Variants in LIMD1 observed in about 807,000 individuals in gnomAD.
LIMD1 encodes the protein LIM domain containing 1.
In LIMD1, 23 loss-of-function variants were observed where a neutral mutation model predicts 58.4. The ratio of observed to expected loss-of-function variants is 0.39; its 90% CI spans 0.28 to 0.56. The LOEUF is 0.56. Ranked by LOEUF, LIMD1 falls within the 20% of genes least tolerant of loss-of-function variation. LIMD1 has a pLI of 0.57. For synonymous variants in LIMD1, 334 were observed against 345.5 expected (o/e 0.97, Z 0.37); for missense variants, 838 against 855.5 (o/e 0.98, Z 0.25).
At chr3:45,623,021 C>T (rs549563363) in intron 1 of LIMD1, among the ~76,000 whole-genome samples, 2 of 152,268 alleles carry the variant, frequency 1.3e-5, no homozygotes, top group Non-Finnish European at 2.9e-5. Flanking sequence ...AGGTTGTCCA[C>T]GTTTATGCTT....
chr3:45,611,042 A>C (rs187477259), intron 1 of LIMD1, among the ~76,000 whole-genome samples: 5 of 152,362 alleles, frequency 3.3e-5, no homozygotes, highest in Non-Finnish European at 7.3e-5. Flanking sequence ...TCTGCTGGGC[A>C]GGGCTGTGCC....
At chr3:45,638,810 A>G (rs138217806) in intron 2 of LIMD1, among the ~76,000 whole-genome samples, 225 of 152,082 alleles carry the variant, frequency 1.5e-3, no homozygotes, top group African/African-American at 5.1e-3. Context: ...GCCAACATCT[A>G]CTTTTTGACT....
chr3:45,619,738 G>A (rs1383663157), intron 1 of LIMD1, among the ~76,000 whole-genome samples: 1 of 152,032 alleles, frequency 6.6e-6, no homozygotes, highest in Non-Finnish European at 1.5e-5. Context: ...AGCGGAGGTT[G>A]TGGTGAGCTG....
At chr3:45,638,816 T>C (rs1485937797) in intron 2 of LIMD1, among the ~76,000 whole-genome samples, 1 of 152,218 alleles carries the variant, frequency 6.6e-6, no homozygotes, top group Non-Finnish European at 1.5e-5. Flanking sequence ...ATCTACTTTT[T>C]GACTTTTTAA....
intron 2 of LIMD1, among the ~76,000 whole-genome samples, chr3:45,647,750 C>A (rs540665993): frequency 3.9e-5 from 6 of 152,190 alleles, no homozygotes; most frequent in African/African-American, 1.4e-4. Context: ...AGTTCTTTTG[C>A]CTGGTGTTTA....
intron 1 of LIMD1, among the ~76,000 whole-genome samples, chr3:45,608,158 T>C (rs1270630090): frequency 6.6e-6 from 1 of 152,238 alleles, no homozygotes; most frequent in Non-Finnish European, 1.5e-5. Flanking sequence ...TTGTGCTGCT[T>C]TCTGGCTGTA....
chr3:45,607,699 C>T (rs1701481078), intron 1 of LIMD1, among the ~76,000 whole-genome samples: 1 of 152,108 alleles, frequency 6.6e-6, no homozygotes. Flanking sequence ...AGCAGGCAGG[C>T]TCCAAGTCAG....
At chr3:45,620,890 T>A (rs1014033677) in intron 1 of LIMD1, among the ~76,000 whole-genome samples, 2 of 152,194 alleles carry the variant, frequency 1.3e-5, no homozygotes, top group Non-Finnish European at 2.9e-5. Flanking sequence ...AACTAAGTGA[T>A]CAAGTTAACA....
At position 45,673,578 on chromosome 3, in the gene LIMD1, T is replaced by C. The variant is rs779964440; in HGVS notation, c.1824+73T>C. ...TATCTCCCTGGGCTCATTTACAAGATCCATGTCCTGTCCTTACAGCTTTTA... is the reference window on the plus strand; with the variant it reads ...TATCTCCCTGGGCTCATTTACAAGACCCATGTCCTGTCCTTACAGCTTTTA... On this transcript the variant is annotated intron_variant, in intron 6 of 7. Transcript: ENST00000273317. The C allele has an allele frequency of 4.1e-6, 5 of 1,211,992 alleles. No homozygotes were observed. In the African/African-American group the frequency reaches 7.4e-5, roughly 18 times the overall value. The allele number at this position is 1,211,992 out of a possible 1,614,324, so 75.1% of individuals were successfully genotyped here. A position where few individuals can be genotyped will look rare whatever the true frequency, so the allele number is the denominator to read the frequency against.
At chr3:45,659,904 C>A (rs927610135) in intron 2 of LIMD1, among the ~76,000 whole-genome samples, 1 of 152,172 alleles carries the variant, frequency 6.6e-6, no homozygotes, top group Non-Finnish European at 1.5e-5. Flanking sequence ...TGAAAATATA[C>A]AGTGACAACA....
intron 1 of LIMD1, among the ~76,000 whole-genome samples, chr3:45,605,138 C>A (rs887475684): frequency 2.6e-5 from 4 of 152,200 alleles, no homozygotes; most frequent in African/African-American, 9.7e-5. Flanking sequence ...TCTATTGAGC[C>A]AAGATGACCT....
chr3:45,647,846 G>A (rs764997180), intron 2 of LIMD1, among the ~76,000 whole-genome samples: 8 of 151,922 alleles, frequency 5.3e-5, no homozygotes, highest in Admixed American at 6.6e-5. Flanking sequence ...ACAGCCTCCC[G>A]AAGTGCTGAA....
chr3:45,671,490 A>T (rs1014068244), intron 4 of LIMD1, among the ~76,000 whole-genome samples: 1 of 152,126 alleles, frequency 6.6e-6, no homozygotes, highest in Non-Finnish European at 1.5e-5. Flanking sequence ...TTTTGGTGTG[A>T]CCTTGCTCAT....
chr3:45,597,807 T>C (rs997738541), intron 1 of LIMD1, among the ~76,000 whole-genome samples: 1 of 152,066 alleles, frequency 6.6e-6, no homozygotes, highest in Non-Finnish European at 1.5e-5. Flanking sequence ...CCAAGGTCCT[T>C]TGAGGGACCA....
intron 1 of LIMD1, among the ~76,000 whole-genome samples, chr3:45,607,055 A>C (rs549184551): frequency 6.6e-6 from 1 of 152,288 alleles, no homozygotes; most frequent in African/African-American, 2.4e-5. Context: ...TGGCCTCTCA[A>C]AGTGCTGGGA....
At position 45,685,114 on chromosome 3, in the gene LIMD1, C is replaced by T. The variant is rs1381788713; in HGVS notation, c.*8055C>T. ...AGCTTGGACTGTCTCCATTGGAAGGCCTCTGGCAGATTTTGTAAAAAGTTA... is the reference window on the plus strand; with the variant it reads ...AGCTTGGACTGTCTCCATTGGAAGGTCTCTGGCAGATTTTGTAAAAAGTTA... On this transcript the variant is annotated 3_prime_UTR_variant, in exon 8 of 8. Transcript: ENST00000273317. The T allele has an allele frequency of 6.6e-6, 1 of 152,110 alleles. No homozygotes were observed. 9.4% of individuals were successfully genotyped at this position (152,110 alleles called of 1,614,324 possible).
intron 1 of LIMD1, among the ~76,000 whole-genome samples, chr3:45,633,194 C>T (rs1358633613): frequency 6.6e-6 from 1 of 152,142 alleles, no homozygotes. Context: ...ATCTCATCCG[C>T]CCGCCACCCT....
chr3:45,653,139 A>G (rs1025313405), intron 2 of LIMD1, among the ~76,000 whole-genome samples: 2 of 152,250 alleles, frequency 1.3e-5, no homozygotes, highest in African/African-American at 2.4e-5. Flanking sequence ...TTACAAGATA[A>G]TAAGTCTGAC....
chr3:45,679,336 A>C lies in LIMD1; in HGVS notation c.*2277A>C, dbSNP rs1274799535. Reference sequence around the variant, plus strand: ...TTTCTCTGGTTGTCAGTTTCCCTGGAGAAGGCGCCAGATAGGAATCTCCAA... The same window carrying C: ...TTTCTCTGGTTGTCAGTTTCCCTGGCGAAGGCGCCAGATAGGAATCTCCAA... On this transcript the variant is annotated 3_prime_UTR_variant, in exon 8 of 8. Transcript: ENST00000273317. The C allele has an allele frequency of 6.6e-6, 1 of 152,214 alleles. No homozygotes were observed. Among genetic ancestry groups the C allele is most frequent in the Non-Finnish European group, 1.5e-5 (1 of 68,034 alleles). 9.4% of individuals were successfully genotyped at this position (152,214 alleles called of 1,614,324 possible). A position where few individuals can be genotyped will look rare whatever the true frequency, so the allele number is the denominator to read the frequency against.
Sources: allele counts gnomAD v4.1 joint callset (sites outside exome capture counted in the v4.1 genomes callset), GRCh38; gene constraint gnomAD v4.1.1; transcripts MANE v1.5; gene names NCBI Gene and HGNC (gene_info 2026-07-23, HGNC 2026-07-21).